Variants in PHLDB1 observed in about 807,000 individuals in gnomAD.
PHLDB1 encodes pleckstrin homology like domain family B member 1, also known as pleckstrin homology-like domain family B member 1.
A neutral mutation model predicts 139.3 loss-of-function variants in PHLDB1; 65 were observed. The ratio of observed to expected loss-of-function variants is 0.47; its 90% CI spans 0.38 to 0.57. The LOEUF is 0.57. Ranked by LOEUF, PHLDB1 falls within the 20% of genes least tolerant of loss-of-function variation. PHLDB1 has a pLI of 0.00. For missense variants in PHLDB1, 1,624 were observed against 1,839.7 expected (o/e 0.88, Z 2.14); for synonymous variants, 679 against 734.5 (o/e 0.92, Z 1.22).
chr11:118,644,766 C>T (rs1373446313), intron 15 of PHLDB1: 7 of 1,000,796 alleles, frequency 7.0e-6, no homozygotes, highest in Non-Finnish European at 9.5e-6. Flanking sequence ...TGTGTCCTGC[C>T]CAGGTCCCCA....
At chr11:118,619,905 T>C (rs1555093048) in intron 4 of PHLDB1, among the ~76,000 whole-genome samples, 1 of 152,182 alleles carries the variant, frequency 6.6e-6, no homozygotes, top group Non-Finnish European at 1.5e-5. Flanking sequence ...AGGAAAGCTA[T>C]GCCTGGGTGA....
intron 1 of PHLDB1, 139 bp from the exon 2 acceptor site, chr11:118,613,677 C>T (rs1940966338): frequency 1.6e-6 from 1 of 616,992 alleles, no homozygotes; most frequent in South Asian, 1.9e-5. Context: ...TTAGCTGCCT[C>T]TATTTCCCTT....
At position 118,627,766 on chromosome 11, in the gene PHLDB1, A is replaced by G. The variant is rs1944122217; in HGVS notation, c.943A>G (p.Arg315Gly). The change falls in exon 6 of 23, where the codon AGG becomes GGG. Residue 315 changes from arginine (R) to glycine (G), a missense_variant. Physicochemically the swap from Arg to Gly is moderately radical, Grantham distance 125. Coordinates refer to ENST00000600882, the MANE Select transcript of PHLDB1 (RefSeq NM_001144758.3). Reference protein sequence around the residue: ...GARSESPRLSRKGGHERPPSP... With the variant: ...GARSESPRLSGKGGHERPPSP... ...TCGCTCCGAGAGTCCTCGGCTGAGC[A>G]GGAAAGGGGGCCATGAGAGGCCTCC... 1 of 1,607,030 alleles carries G rather than the reference A, an allele frequency of 6.2e-7. No individual in the cohort carries two copies. Among genetic ancestry groups the G allele is most frequent in the East Asian group, 2.2e-5 (1 of 44,870 alleles).
In PHLDB1 at chr11:118,628,470, G is replaced by A; in HGVS notation, c.1647G>A (p.Gly549=). The A allele has an allele frequency of 6.2e-7, 1 of 1,612,868 alleles. No individual in the cohort carries two copies. The change falls in exon 6 of 23, where the codon GGG becomes GGA. Residue 549 remains glycine, a synonymous_variant. Coordinates refer to ENST00000600882, the MANE Select transcript of PHLDB1 (RefSeq NM_001144758.3). ...SPAYSLGSLT[G]ASPCQSPCVQ... Reference sequence around the variant, plus strand: ...CCTACAGTCTGGGCTCTCTTACTGGGGCTTCACCCTGCCAGAGTCCCTGTG... The same window carrying A: ...CCTACAGTCTGGGCTCTCTTACTGGAGCTTCACCCTGCCAGAGTCCCTGTG...
intron 15 of PHLDB1, 52 bp downstream of exon 15, chr11:118,644,226 G>C: frequency 7.9e-7 from 1 of 1,269,660 alleles, no homozygotes; most frequent in Non-Finnish European, 1.1e-6. Flanking sequence ...ACCCTGGGTA[G>C]TTGCCATGCC....
At chr11:118,644,025 G>A (rs1947035957) in intron 14 of PHLDB1, 47 bp from the exon 15 acceptor site, 3 of 1,607,340 alleles carry the variant, frequency 1.9e-6, no homozygotes, top group South Asian at 2.2e-5. Context: ...TGGGAATGGG[G>A]GTAAGGGCCT....
In PHLDB1 at chr11:118,648,313, GTGTGTGTGTGTT is replaced by G. The variant is rs1434030983; in HGVS notation, c.3654+244_3654+255del. ...TGTGTGTGTGTGTGTGTGTGTGTGTGTGTGTGTGTGTTTGTGTGCTGGGGTAGTGGGTTGTAA... is the reference window on the plus strand; with the variant it reads ...TGTGTGTGTGTGTGTGTGTGTGTGTGTGTGTGCTGGGGTAGTGGGTTGTAA... On this transcript the variant is annotated intron_variant, in intron 18 of 22. Transcript: ENST00000600882. Among the ~76,000 whole-genome samples, 89 of 142,048 alleles carry G rather than the reference GTGTGTGTGTGTT, an allele frequency of 6.3e-4. 1 individual carries two copies. The highest frequency in any genetic ancestry group is 3.5e-3 in the Middle Eastern group (1 of 282). 93.2% of individuals were successfully genotyped at this position (142,048 alleles called of 152,430 possible). A position where few individuals can be genotyped will look rare whatever the true frequency, so the allele number is the denominator to read the frequency against.
chr11:118,635,583 GGA>G (rs1945514555), intron 10 of PHLDB1, 35 bp downstream of exon 10: 9 of 1,465,876 alleles, frequency 6.1e-6, no homozygotes, highest in Non-Finnish European at 8.1e-6. Context: ...GCGTGCTGTT[GGA>G]GGCCAGTGAC....
rs782737862 is a variant in PHLDB1, at chr11:118,632,011, T to C, written c.2199T>C (p.Arg733=). The part of the protein sequence containing the change: ...VLGHVEQLKV[R]VKELEQQLQE... ...GGCACGTGGAGCAGCTCAAGGTCCGTGTGAAGGAGCTAGAGCAGCAGCTGC... is the reference window on the plus strand; with the variant it reads ...GGCACGTGGAGCAGCTCAAGGTCCGCGTGAAGGAGCTAGAGCAGCAGCTGC... Residue 733 remains arginine (R), a synonymous_variant, in exon 8 of 23, where the codon CGT becomes CGC. Coordinates refer to ENST00000600882, the MANE Select transcript of PHLDB1 (RefSeq NM_001144758.3). The surrounding 1 kb of genome is among the most constrained non-coding windows in gnomAD (Gnocchi z 5.9). 24 of 1,613,846 alleles carry C rather than the reference T, an allele frequency of 1.5e-5. No homozygotes were observed. Among genetic ancestry groups the C allele is most frequent in the Admixed American group, 6.7e-5 (4 of 60,012 alleles).
Position 118,650,598 on chromosome 11 carries a change from G to A in PHLDB1, c.3874+51G>A. ...GGGCCAGCCAGGATCCCTGGGCTCT[G>A]TTACCCAGGACGGCTGGTCTTCTAG... is the stretch of plus-strand genomic sequence containing the variant. On this transcript the variant is annotated intron_variant, in intron 20 of 22. Coordinates refer to ENST00000600882, the MANE Select transcript of PHLDB1 (RefSeq NM_001144758.3). The surrounding 1 kb of genome is among the most constrained non-coding windows in gnomAD (Gnocchi z 4.7). The A allele has an allele frequency of 3.1e-6, 4 of 1,277,098 alleles. No homozygotes were observed. In the South Asian group the frequency reaches 3.6e-5, roughly 11 times the overall value. The allele number at this position is 1,277,098 out of a possible 1,614,324, so 79.1% of individuals were successfully genotyped here. A position where few individuals can be genotyped will look rare whatever the true frequency, so the allele number is the denominator to read the frequency against.
In PHLDB1 at chr11:118,650,028, A is replaced by G. The variant is rs1555134361; in HGVS notation, c.3655-49A>G. On this transcript the variant is annotated intron_variant, in intron 18 of 22. Transcript: ENST00000600882. The surrounding 1 kb of genome is among the most constrained non-coding windows in gnomAD (Gnocchi z 4.7). ...GAAGCCAAGGGGCCTGGACAGGGGA[A>G]TAATGAGGGAAGAGAGGAGACTCTC... The G allele has an allele frequency of 1.5e-6, 2 of 1,347,252 alleles. No homozygotes were observed. Among genetic ancestry groups the G allele is most frequent in the Admixed American group, 3.4e-5 (2 of 59,668 alleles). The allele number at this position is 1,347,252 out of a possible 1,614,324, so 83.5% of individuals were successfully genotyped here. A position where few individuals can be genotyped will look rare whatever the true frequency, so the allele number is the denominator to read the frequency against.
At chr11:118,614,496 C>T (rs1555086872) in intron 2 of PHLDB1, 63 bp from the exon 3 acceptor site, 1 of 1,584,464 alleles carries the variant, frequency 6.3e-7, no homozygotes, top group Admixed American at 1.7e-5. Flanking sequence ...GCTGGTGTGA[C>T]TGGTTTAGGG....
At chr11:118,638,555 G>A (rs1946016306) in intron 10 of PHLDB1, among the ~76,000 whole-genome samples, 1 of 152,120 alleles carries the variant, frequency 6.6e-6, no homozygotes, top group Admixed American at 6.5e-5. Flanking sequence ...GCCTGGATTT[G>A]GGTGGTGGCA....
chr11:118,643,522 A>G, intron 13 of PHLDB1: 1 of 985,352 alleles, frequency 1.0e-6, no homozygotes, highest in Non-Finnish European at 1.2e-6. Flanking sequence ...CAACTGCCTG[A>G]CTGACATTAA....
chr11:118,631,982 C>T lies in PHLDB1; in HGVS notation c.2170C>T (p.Leu724=), dbSNP rs887773391. 1 of 1,614,158 alleles carries T rather than the reference C, an allele frequency of 6.2e-7. No homozygotes were observed. Among genetic ancestry groups the T allele is most frequent in the Non-Finnish European group, 8.5e-7 (1 of 1,179,998 alleles). Residue 724 remains leucine (L), a synonymous_variant, in exon 8 of 23, where the codon CTG becomes TTG. Coordinates refer to ENST00000600882, the MANE Select transcript of PHLDB1 (RefSeq NM_001144758.3). ...CCTGGAAGAAGAGCGGGCTCAGGTG[C>T]TGGGGCACGTGGAGCAGCTCAAGGT... ...LALEEERAQV[L]GHVEQLKVRV...
chr11:118,641,740 A>G (rs1469377940), intron 12 of PHLDB1: 2 of 1,289,636 alleles, frequency 1.6e-6, no homozygotes, highest in Non-Finnish European at 1.0e-6. Context: ...CCTTCCTCCC[A>G]TGCTGCCCTC....
intron 4 of PHLDB1, among the ~76,000 whole-genome samples, chr11:118,622,164 C>G (rs2135979352): frequency 6.6e-6 from 1 of 152,210 alleles, no homozygotes; most frequent in South Asian, 2.1e-4. Context: ...CCCTGATCCC[C>G]CCTGGGCATG....
chr11:118,638,362 T>G (rs1358249840), intron 10 of PHLDB1, among the ~76,000 whole-genome samples: 7 of 152,216 alleles, frequency 4.6e-5, no homozygotes, highest in Non-Finnish European at 1.0e-4. Flanking sequence ...TTTTAAAAAA[T>G]TATTCAAGTA....
chr11:118,628,159 C>T lies in PHLDB1; in HGVS notation c.1336C>T (p.Leu446=), dbSNP rs782794274. 1 of 1,614,134 alleles carries T rather than the reference C, an allele frequency of 6.2e-7. No individual in the cohort carries two copies. The highest frequency in any genetic ancestry group is 1.7e-5 in the Admixed American group (1 of 60,032). Residue 446 remains leucine (L), a synonymous_variant, in exon 6 of 23, where the codon CTG becomes TTG. Transcript: ENST00000600882. ...CCTGCAGCCTCCTGAGAGTCCCCGCCTGGGCCGGCGGGGCCTGGACAGTAT... is the reference window on the plus strand; with the variant it reads ...CCTGCAGCCTCCTGAGAGTCCCCGCTTGGGCCGGCGGGGCCTGGACAGTAT... ...RTLQPPESPR[L]GRRGLDSMRE... is the part of the protein sequence containing the mutation.
Sources: gnomAD v4.1 joint callset for allele counts (sites outside exome capture counted in the v4.1 genomes callset) on GRCh38, gnomAD v4.1.1 for gene constraint, Gnocchi (gnomAD v3.1) non-coding constraint, MANE v1.5 for transcripts, NCBI Gene and HGNC (gene_info 2026-07-23, HGNC 2026-07-21) for gene names.